FAM222A: variants seen among roughly 807,000 people sequenced by gnomAD.
FAM222A encodes protein FAM222A.
FAM222A carries 7 observed loss-of-function variants against 25.8 expected under a neutral mutation model. The ratio of observed to expected loss-of-function variants is 0.27; its 90% CI spans 0.15 to 0.51. The LOEUF (loss-of-function observed/expected upper bound fraction) is 0.51, where lower values mean the gene tolerates loss of function less well. FAM222A is among the 20% of genes least tolerant of loss of function. The probability of loss-of-function intolerance (pLI) is 0.97; values close to 1 mark genes in which losing one functional copy is unlikely to be tolerated. For synonymous variants in FAM222A, 294 were observed against 298.8 expected (o/e 0.98, Z 0.17); for missense variants, 573 against 640.5 (o/e 0.89, Z 1.14).
At chr12:109,761,953 A>T (rs1298368991) in intron 2 of FAM222A, among the ~76,000 whole-genome samples, 1 of 141,440 alleles carries the variant, frequency 7.1e-6, no homozygotes, top group East Asian at 2.1e-4. Flanking sequence ...ACCCACCCTC[A>T]CCCTGCACCA....
At chr12:109,765,037 C>T (rs1889003552) in intron 2 of FAM222A, among the ~76,000 whole-genome samples, 1 of 152,200 alleles carries the variant, frequency 6.6e-6, no homozygotes, top group Non-Finnish European at 1.5e-5. Context: ...TCTTCACTCC[C>T]TGCTGCCCTG....
Position 109,744,677 on chromosome 12 carries a change from T to C in FAM222A, c.82+449T>C, listed in dbSNP as rs1401000360. On this transcript the variant is annotated intron_variant, in intron 2 of 2. Coordinates refer to ENST00000538780, the MANE Select transcript of FAM222A (RefSeq NM_032829.3). Reference sequence around the variant, plus strand: ...CTGGCCTTGCTTTTTCACTGGGACCTAGACCTGGTGACCAGGGGTCTGTTC... The same window carrying C: ...CTGGCCTTGCTTTTTCACTGGGACCCAGACCTGGTGACCAGGGGTCTGTTC... The C allele has an allele frequency of 3.0e-6, 3 of 985,378 alleles. No individual in the cohort carries two copies. In the African/African-American group the frequency reaches 5.2e-5, roughly 17 times the overall value. The allele number at this position is 985,378 out of a possible 1,614,324, so 61.0% of individuals were successfully genotyped here.
intron 1 of FAM222A, among the ~76,000 whole-genome samples, chr12:109,718,251 C>A (rs761544493): frequency 6.6e-6 from 1 of 152,186 alleles, no homozygotes; most frequent in East Asian, 1.9e-4. Context: ...GGGAGAGGCC[C>A]GAACTCTACC....
rs1279940770 is a variant in FAM222A at position 109,769,162 on chromosome 12, T to C, written c.1233T>C (p.Tyr411=). ...GCAGCAGCCTGCAGTCACTGGAGTATCTCATCAACGACATCCGGCCGCCCT... is the reference window on the plus strand; with the variant it reads ...GCAGCAGCCTGCAGTCACTGGAGTACCTCATCAACGACATCCGGCCGCCCT... The part of the protein sequence containing the change: ...VLSSSLQSLE[Y]LINDIRPPCI... Residue 411 remains tyrosine (Y), a synonymous_variant, in exon 3 of 3, where the codon TAT becomes TAC. Coordinates refer to ENST00000538780, the MANE Select transcript of FAM222A (RefSeq NM_032829.3). The C allele has an allele frequency of 2.5e-6, 4 of 1,612,466 alleles. No individual in the cohort carries two copies. Among genetic ancestry groups the C allele is most frequent in the Admixed American group, 3.3e-5 (2 of 59,960 alleles).
chr12:109,741,111 G>A (rs1888229777), intron 1 of FAM222A, among the ~76,000 whole-genome samples: 1 of 152,180 alleles, frequency 6.6e-6, no homozygotes, highest in African/African-American at 2.4e-5. Flanking sequence ...GACCGTCTTG[G>A]TTGCAGATGA....
chr12:109,744,225 A>G lies in FAM222A; in HGVS notation c.79A>G (p.Lys27Glu), dbSNP rs767781578. 3.1e-6 allele frequency: 5 copies of G among 1,612,790 alleles called. No homozygotes were observed. Among genetic ancestry groups the G allele is most frequent in the East Asian group, 2.2e-5 (1 of 44,866 alleles). Reference protein sequence around the residue: ...ACPSKSLELRKCEAVASAMHS... With the variant: ...ACPSKSLELRECEAVASAMHS... ...CCCGAGCAAGAGCCTGGAGCTGCGC[A>G]AGTGTGAGTAGGACGCCTCCCCAGC... The change falls in exon 2 of 3, where the codon AAG becomes GAG. Residue 27 changes from lysine to glutamate, a missense_variant. Physicochemically the swap from Lys to Glu is moderately conservative, Grantham distance 56. Around this residue, in one of 3 missense-constraint regions of FAM222A, gnomAD observed 112 missense variants for 154.6 expected, o/e 0.72. Coordinates refer to ENST00000538780, the MANE Select transcript of FAM222A (RefSeq NM_032829.3).
intron 1 of FAM222A, among the ~76,000 whole-genome samples, chr12:109,740,750 G>A (rs1888217575): frequency 6.6e-6 from 1 of 152,174 alleles, no homozygotes; most frequent in African/African-American, 2.4e-5. Flanking sequence ...CCAGGCACTG[G>A]GGAGAGACAG....
chr12:109,727,249 G>T (rs1264074898), intron 1 of FAM222A, among the ~76,000 whole-genome samples: 1 of 152,148 alleles, frequency 6.6e-6, no homozygotes, highest in East Asian at 1.9e-4. Context: ...GTGGGGAGAG[G>T]GCGGTGCAGC....
chr12:109,729,939 G>T (rs116066196), intron 1 of FAM222A, among the ~76,000 whole-genome samples: 2 of 152,246 alleles, frequency 1.3e-5, no homozygotes, highest in African/African-American at 2.4e-5. Flanking sequence ...ACCTGCCTGA[G>T]GCTGCACAGC....
In FAM222A at chr12:109,713,873, C is replaced by A. The variant is rs1046500557; in HGVS notation, c.-1071C>A. Among the ~76,000 whole-genome samples the A allele has an allele frequency of 1.3e-4, 19 of 148,638 alleles. No individual in the cohort carries two copies. Among genetic ancestry groups the A allele is most frequent in the East Asian group, 9.9e-4 (5 of 5,064 alleles). On this transcript the variant is annotated 5_prime_UTR_variant, in exon 1 of 3. Transcript: ENST00000538780. ...GGCAGGACTGCCTGGCCGGCTGCTC[C>A]GCGGAGAGGCTGCGCGCGCCGGCCG... is the stretch of plus-strand genomic sequence containing the variant.
chr12:109,769,410 G>A lies in FAM222A; in HGVS notation c.*122G>A, dbSNP rs1304750362. 1.6e-6 allele frequency: 2 copies of A among 1,274,468 alleles called. No homozygotes were observed. The highest frequency in any genetic ancestry group is 2.1e-6 in the Non-Finnish European group (2 of 949,320). The allele number at this position is 1,274,468 out of a possible 1,614,324, so 78.9% of individuals were successfully genotyped here. A position where few individuals can be genotyped will look rare whatever the true frequency, so the allele number is the denominator to read the frequency against. ...ACCCTGTGCCTGCTGATGCCCACAG[G>A]GGAGCCAGGCTGGCTGCCGCCTCGC... On this transcript the variant is annotated 3_prime_UTR_variant, in exon 3 of 3. Transcript: ENST00000538780.
At chr12:109,719,284 A>G (rs957891050) in intron 1 of FAM222A, among the ~76,000 whole-genome samples, 6 of 152,188 alleles carry the variant, frequency 3.9e-5, no homozygotes, top group African/African-American at 1.4e-4. Flanking sequence ...AGAAGGTATT[A>G]TACTTTGCTG....
At chr12:109,743,833 C>T (rs946039613) in intron 1 of FAM222A, 44 of 985,242 alleles carry the variant, frequency 4.5e-5, no homozygotes, top group Admixed American at 6.1e-5. Flanking sequence ...GCAGATGACC[C>T]AGATGCCGAG....
At chr12:109,759,759 G>A (rs558605009) in intron 2 of FAM222A, among the ~76,000 whole-genome samples, 1 of 152,256 alleles carries the variant, frequency 6.6e-6, no homozygotes, top group African/African-American at 2.4e-5. Context: ...GCTGCCTGGC[G>A]GCTGCCCCTG....
chr12:109,756,024 G>C (rs1031509970), intron 2 of FAM222A, among the ~76,000 whole-genome samples: 4 of 152,226 alleles, frequency 2.6e-5, no homozygotes, highest in African/African-American at 7.2e-5. Flanking sequence ...ATAGAGATTT[G>C]CATTGGATTT....
chr12:109,720,227 G>T, intron 1 of FAM222A: 1 of 978,040 alleles, frequency 1.0e-6, no homozygotes. Flanking sequence ...GGGCACAGGG[G>T]ACAAAGGCCT....
chr12:109,729,540 A>G (rs956023844), intron 1 of FAM222A, among the ~76,000 whole-genome samples: 1 of 152,270 alleles, frequency 6.6e-6, no homozygotes, highest in African/African-American at 2.4e-5. Context: ...CAGCCTCGCC[A>G]AGACTTCAAA....
Position 109,769,370 on chromosome 12 carries a change from G to C in FAM222A, c.*82G>C. The C allele has an allele frequency of 6.9e-7, 1 of 1,456,276 alleles. No homozygotes were observed. Among genetic ancestry groups the C allele is most frequent in the Non-Finnish European group, 9.2e-7 (1 of 1,092,672 alleles). 90.2% of individuals were successfully genotyped at this position (1,456,276 alleles called of 1,614,324 possible). A position where few individuals can be genotyped will look rare whatever the true frequency, so the allele number is the denominator to read the frequency against. ...CGCAGAACAGGGTGGGCGGCTCGCA[G>C]GGGCGCTCAGCCCCACCCTGTGCCT... On this transcript the variant is annotated 3_prime_UTR_variant, in exon 3 of 3. Coordinates refer to ENST00000538780, the MANE Select transcript of FAM222A (RefSeq NM_032829.3).
At chr12:109,761,981 G>A (rs544856480) in intron 2 of FAM222A, among the ~76,000 whole-genome samples, 1 of 150,644 alleles carries the variant, frequency 6.6e-6, no homozygotes, top group East Asian at 2.0e-4. Flanking sequence ...CCCCAGCTGT[G>A]CCAGGTCCCA....
Sources: gnomAD v4.1 joint callset for allele counts (sites outside exome capture counted in the v4.1 genomes callset) on GRCh38, gnomAD v4.1.1 for gene constraint, gnomAD v4.1.1 regional missense constraint, MANE v1.5 for transcripts, NCBI Gene and HGNC (gene_info 2026-07-23, HGNC 2026-07-21) for gene names.